TMEM260: variants seen among roughly 807,000 people sequenced by gnomAD.
TMEM260 encodes transmembrane protein 260.
TMEM260 carries 82 observed loss-of-function variants against 88.9 expected under a neutral mutation model. That is an observed-to-expected ratio of 0.92 (90% CI 0.77 to 1.11). The LOEUF (loss-of-function observed/expected upper bound fraction) is 1.11. Ranked by LOEUF, TMEM260 falls within the 50% of genes least tolerant of loss-of-function variation. The probability of loss-of-function intolerance (pLI) is 0.00; values close to 1 mark genes in which losing one functional copy is unlikely to be tolerated. For missense variants in TMEM260, 902 were observed against 853.4 expected (o/e 1.06, Z -0.71); for synonymous variants, 314 against 309.3 (o/e 1.02, Z -0.16).
At chr14:56,634,170 A>G (rs1010898347) in intron 13 of TMEM260, among the ~76,000 whole-genome samples, 2 of 152,178 alleles carry the variant, frequency 1.3e-5, no homozygotes, top group Admixed American at 6.5e-5. Flanking sequence ...AGCAGCATCA[A>G]AGCTCCAGCA....
chr14:56,600,625 G>A (rs961784665), intron 3 of TMEM260, among the ~76,000 whole-genome samples: 1 of 152,150 alleles, frequency 6.6e-6, no homozygotes, highest in Admixed American at 6.5e-5. Flanking sequence ...CCAAACTTCA[G>A]TGAGATGCCA....
chr14:56,586,179 G>A (rs7141305), intron 3 of TMEM260, among the ~76,000 whole-genome samples: 135,462 of 152,132 alleles, frequency 0.89, 60,490 homozygotes, highest in East Asian at 1. Context: ...TTGTCATTTT[G>A]TGAAGATGCA....
chr14:56,616,107 C>T (rs1594852473), intron 8 of TMEM260, 80 bp downstream of exon 8: 4 of 1,016,832 alleles, frequency 3.9e-6, no homozygotes, highest in Non-Finnish European at 4.6e-6. Context: ...CGCTGTAGGA[C>T]ATTGCCAGTA....
chr14:56,587,467 T>C (rs1445775187), intron 3 of TMEM260, among the ~76,000 whole-genome samples: 1 of 151,968 alleles, frequency 6.6e-6, no homozygotes, highest in Non-Finnish European at 1.5e-5. Flanking sequence ...ACAGTACTTT[T>C]CTTTAAAAAT....
intron 7 of TMEM260, chr14:56,613,543 T>G (rs867429561): frequency 6.6e-6 from 1 of 152,194 alleles, no homozygotes; most frequent in South Asian, 2.1e-4. Context: ...AGATTTTTAT[T>G]TCTTTTTAAA....
At chr14:56,645,507 G>C (rs1024665004) in intron 15 of TMEM260, among the ~76,000 whole-genome samples, 2 of 62,184 alleles carry the variant, frequency 3.2e-5, no homozygotes, top group African/African-American at 8.5e-5. Flanking sequence ...GTGGGGGTAG[G>C]GGGGAGGGAT....
At chr14:56,622,987 T>TAGAA (rs1398465693) in intron 11 of TMEM260, among the ~76,000 whole-genome samples, 1 of 152,220 alleles carries the variant, frequency 6.6e-6, no homozygotes, top group Non-Finnish European at 1.5e-5. Flanking sequence ...AAACACTGTT[T>TAGAA]AGAATGTCAG....
chr14:56,604,534 C>T (rs1247530970), intron 4 of TMEM260, among the ~76,000 whole-genome samples: 1 of 152,138 alleles, frequency 6.6e-6, no homozygotes, highest in Non-Finnish European at 1.5e-5. Flanking sequence ...AGAGTCTATA[C>T]ATTGGGAAAT....
chr14:56,615,925 GTTA>G lies in TMEM260; in HGVS notation c.858-18_858-16del. On this transcript the variant is annotated splice_polypyrimidine_tract_variant and intron_variant, in intron 7 of 15. Coordinates refer to ENST00000261556, the MANE Select transcript of TMEM260 (RefSeq NM_017799.4). ...CAAATTTGTTTCCTGCCAACAATAA[GTTA>G]GATTGTTTTTTGCAGTTCTCAAGTA... The G allele has an allele frequency of 6.4e-7, 1 of 1,570,198 alleles. No individual in the cohort carries two copies. Among genetic ancestry groups the G allele is most frequent in the Non-Finnish European group, 8.8e-7 (1 of 1,140,668 alleles).
intron 15 of TMEM260, among the ~76,000 whole-genome samples, chr14:56,641,394 A>G (rs1889582849): frequency 1.3e-5 from 2 of 152,194 alleles, no homozygotes; most frequent in Admixed American, 1.3e-4. Flanking sequence ...TTCAACCCAG[A>G]ACTTCATATC....
intron 4 of TMEM260, among the ~76,000 whole-genome samples, chr14:56,604,562 T>C (rs1039922383): frequency 6.6e-6 from 1 of 152,204 alleles, no homozygotes; most frequent in South Asian, 2.1e-4. Flanking sequence ...CATCTTAGTA[T>C]AGGCAGCTTT....
At chr14:56,593,719 G>C (rs1339008541) in intron 3 of TMEM260, among the ~76,000 whole-genome samples, 1 of 119,370 alleles carries the variant, frequency 8.4e-6, no homozygotes, top group African/African-American at 3.3e-5. Flanking sequence ...ACTGAGTCTC[G>C]GTCTGTCGCC....
At position 56,585,931 on chromosome 14, in the gene TMEM260, T is replaced by G; in HGVS notation, c.344+19T>G. On this transcript the variant is annotated intron_variant, in intron 3 of 15. Coordinates refer to ENST00000261556, the MANE Select transcript of TMEM260 (RefSeq NM_017799.4). Reference sequence around the variant, plus strand: ...TTTTCAGGTAAAGTAGTTGATTAGTTAAAATTAATTTTGAGCAGTTGGAGA... The same window carrying G: ...TTTTCAGGTAAAGTAGTTGATTAGTGAAAATTAATTTTGAGCAGTTGGAGA... 6.2e-7 allele frequency: 1 copy of G among 1,608,640 alleles called. No individual in the cohort carries two copies. The highest frequency in any genetic ancestry group is 8.5e-7 in the Non-Finnish European group (1 of 1,177,892).
At chr14:56,633,387 G>C (rs1274067839) in intron 13 of TMEM260, 1 of 406,352 alleles carries the variant, frequency 2.5e-6, no homozygotes, top group East Asian at 4.4e-5. Flanking sequence ...GGAAGAGGGT[G>C]CTGGTTGTGT....
At chr14:56,660,559 T>G in the TMEM260 span, among the ~76,000 whole-genome samples, 1 of 152,196 alleles carries the variant, frequency 6.6e-6, no homozygotes, top group African/African-American at 2.4e-5. Flanking sequence ...GAAGGAGAAT[T>G]AGAAGGCTTA....
chr14:56,636,769 C>A (rs1186069091), intron 15 of TMEM260, among the ~76,000 whole-genome samples, 171 bp downstream of exon 15: 1 of 152,102 alleles, frequency 6.6e-6, no homozygotes, highest in Non-Finnish European at 1.5e-5. Flanking sequence ...ATCACAGTAT[C>A]CAAAGTAAAT....
At position 56,615,976 on chromosome 14, in the gene TMEM260, C is replaced by T; in HGVS notation, c.890C>T (p.Ser297Leu). ...SQVTNMRTEL[S>L]FNIQALAVCA... ...GTAACAAATATGAGGACCGAACTCT[C>T]ATTCAACATCCAAGCCCTTGCAGTT... The change falls in exon 8 of 16, where the codon TCA (serine) becomes TTA (leucine). Residue 297 changes from serine to leucine, a missense_variant. Transcript: ENST00000261556. 6.2e-7 allele frequency: 1 copy of T among 1,613,296 alleles called. No homozygotes were observed. Among genetic ancestry groups the T allele is most frequent in the East Asian group, 2.2e-5 (1 of 44,792 alleles).
chr14:56,648,702 C>G lies in TMEM260; in HGVS notation c.*1205C>G, dbSNP rs1256450726. Reference sequence around the variant, plus strand: ...CTGTGGAGCTTGCATGGTTCCCTTTCATACTACGACCATAATTAAAACCAC... The same window carrying G: ...CTGTGGAGCTTGCATGGTTCCCTTTGATACTACGACCATAATTAAAACCAC... On this transcript the variant is annotated 3_prime_UTR_variant, in exon 16 of 16. Coordinates refer to ENST00000261556, the MANE Select transcript of TMEM260 (RefSeq NM_017799.4). 1 of 152,658 alleles carries G rather than the reference C, an allele frequency of 6.6e-6. No individual in the cohort carries two copies. The highest frequency in any genetic ancestry group is 2.1e-4 in the South Asian group (1 of 4,826). The allele number at this position is 152,658 out of a possible 1,614,324, so 9.5% of individuals were successfully genotyped here.
At chr14:56,612,166 T>A in intron 6 of TMEM260, 79 bp from the exon 7 acceptor site, 1 of 1,359,748 alleles carries the variant, frequency 7.4e-7, no homozygotes, top group South Asian at 1.2e-5. Flanking sequence ...CCGAATCTTT[T>A]AAGATTATTA....
Sources: allele counts gnomAD v4.1 joint callset (sites outside exome capture counted in the v4.1 genomes callset), GRCh38; gene constraint gnomAD v4.1.1; transcripts MANE v1.5; gene names NCBI Gene and HGNC (gene_info 2026-07-23, HGNC 2026-07-21).